HFM1: variants seen among roughly 807,000 people sequenced by gnomAD.
The protein encoded by HFM1 is helicase for meiosis 1, also known as probable ATP-dependent DNA helicase HFM1.
In HFM1, 169 loss-of-function variants were observed where a neutral mutation model predicts 192.1. That is an observed-to-expected ratio of 0.88 (90% confidence interval 0.78 to 1.00). The LOEUF (loss-of-function observed/expected upper bound fraction) is 1.00. Among genes scored for constraint, HFM1 ranks in the 50% least tolerant of loss-of-function variants. The pLI, the probability that HFM1 is intolerant of heterozygous loss-of-function variation, is 0.00. For missense variants in HFM1, 1,661 were observed against 1,668.0 expected, an observed-to-expected ratio of 1.00 and a Z score of 0.07; for synonymous variants, 525 against 537.8, an observed-to-expected ratio of 0.98 and a Z score of 0.33.
intron 30 of HFM1, among the ~76,000 whole-genome samples, chr1:91,297,883 C>T (rs1647927406): frequency 6.6e-6 from 1 of 152,182 alleles, no homozygotes; most frequent in Admixed American, 6.5e-5. Flanking sequence ...ATTCAGAGCG[C>T]CTCTCCTCCT....
chr1:91,380,219 CCTAT>C lies in HFM1; in HGVS notation c.887_890del (p.Asp296GlyfsTer4), dbSNP rs759676267. ...CAGTTGGAGCACAAATCACAAAATT[CCTAT>C]CTGTGTAAAGAAGCTAAAAAATAAA... On this transcript the variant is annotated frameshift_variant, in exon 8 of 39. Transcript: ENST00000370425. LOFTEE classifies it high-confidence loss of function. 3 of 1,575,368 alleles carry C rather than the reference CCTAT, an allele frequency of 1.9e-6. No homozygotes were observed. The highest frequency in any genetic ancestry group is 2.3e-5 in the South Asian group (2 of 86,316).
At chr1:91,379,253 A>T in intron 8 of HFM1, 39 bp from the exon 9 acceptor site, 1 of 1,523,568 alleles carries the variant, frequency 6.6e-7, no homozygotes, top group South Asian at 1.2e-5. Flanking sequence ...ACATCAGTTC[A>T]ATTTTAAAAT....
intron 30 of HFM1, among the ~76,000 whole-genome samples, chr1:91,278,361 G>A (rs1230374006): frequency 6.6e-6 from 1 of 152,020 alleles, no homozygotes; most frequent in Non-Finnish European, 1.5e-5. Flanking sequence ...TAGTAGCACG[G>A]GGAAGGAGAG....
intron 30 of HFM1, among the ~76,000 whole-genome samples, chr1:91,279,789 T>C (rs1034216901): frequency 3.9e-5 from 6 of 152,160 alleles, no homozygotes; most frequent in Non-Finnish European, 7.4e-5. Flanking sequence ...GATCACCTGA[T>C]CTGATTTCCC....
chr1:91,367,165 G>C (rs1353632710), intron 13 of HFM1, among the ~76,000 whole-genome samples: 1 of 152,194 alleles, frequency 6.6e-6, no homozygotes, highest in African/African-American at 2.4e-5. Flanking sequence ...TGCCTCTGTA[G>C]ACTCCACCTC....
intron 13 of HFM1, among the ~76,000 whole-genome samples, chr1:91,365,369 CA>C (rs555430332): frequency 1.5e-4 from 22 of 144,350 alleles, no homozygotes; most frequent in South Asian, 2.2e-4. Context: ...CTGCTCTTGT[CA>C]AAAAAAAAAC....
At chr1:91,285,103 G>A (rs1667825875) in intron 30 of HFM1, among the ~76,000 whole-genome samples, 1 of 152,104 alleles carries the variant, frequency 6.6e-6, no homozygotes, top group Admixed American at 6.5e-5. Flanking sequence ...TGTAAGACGT[G>A]CCTTTCACTT....
intron 1 of HFM1, among the ~76,000 whole-genome samples, chr1:91,403,466 A>AATC (rs1194262031): frequency 6.6e-6 from 1 of 152,158 alleles, no homozygotes; most frequent in Non-Finnish European, 1.5e-5. Flanking sequence ...TCATTATGTA[A>AATC]ATCTTTTTTT....
intron 30 of HFM1, among the ~76,000 whole-genome samples, chr1:91,287,845 C>T (rs948941485): frequency 7.9e-5 from 12 of 152,122 alleles, no homozygotes; most frequent in African/African-American, 2.2e-4. Context: ...AAAACCAAGG[C>T]TCGAGAACTA....
At chr1:91,372,791 T>C (rs1420842817) in intron 13 of HFM1, among the ~76,000 whole-genome samples, 1 of 152,102 alleles carries the variant, frequency 6.6e-6, no homozygotes, top group Non-Finnish European at 1.5e-5. Flanking sequence ...GTATGAAAAT[T>C]ATTAATCATT....
At chr1:91,346,690 T>A (rs1454231938) in intron 19 of HFM1, among the ~76,000 whole-genome samples, 1 of 152,164 alleles carries the variant, frequency 6.6e-6, no homozygotes, top group African/African-American at 2.4e-5. Context: ...TTTTATATTT[T>A]AAAAAACAAG....
rs77122878 is a variant in HFM1 at position 91,374,182 on chromosome 1, G to A, written c.1685+1176C>T. On this transcript the variant is annotated intron_variant, in intron 13 of 38. Transcript: ENST00000370425. ...CAGTTTGGTGTATTCACAGAACACAGAGGCTAATACAGCTTGACCGTGATG... is the reference window on the plus strand; with the variant it reads ...CAGTTTGGTGTATTCACAGAACACAAAGGCTAATACAGCTTGACCGTGATG... Among the ~76,000 whole-genome samples the A allele has an allele frequency of 2.6e-4, 39 of 152,276 alleles. No individual in the cohort carries two copies. In the East Asian group the frequency reaches 6.9e-3, roughly 27 times the overall value.
At chr1:91,302,173 CAT>C (rs1161646498) in intron 30 of HFM1, among the ~76,000 whole-genome samples, 2 of 151,424 alleles carry the variant, frequency 1.3e-5, no homozygotes, top group Admixed American at 6.6e-5. Context: ...CCAAAAGACA[CAT>C]GAGAAAATGC....
intron 20 of HFM1, among the ~76,000 whole-genome samples, chr1:91,333,716 T>C (rs1353920660): frequency 6.6e-6 from 1 of 152,206 alleles, no homozygotes; most frequent in Non-Finnish European, 1.5e-5. Context: ...AAATATCTCA[T>C]GAACTCTATA....
intron 13 of HFM1, among the ~76,000 whole-genome samples, chr1:91,354,387 AAGG>A (rs1657428898): frequency 6.6e-6 from 1 of 152,034 alleles, no homozygotes; most frequent in Non-Finnish European, 1.5e-5. Flanking sequence ...GAGGTTCCAG[AAGG>A]AGAAGAATGA....
At chr1:91,286,860 G>A (rs937282220) in intron 30 of HFM1, among the ~76,000 whole-genome samples, 6 of 152,206 alleles carry the variant, frequency 3.9e-5, no homozygotes, top group African/African-American at 1.4e-4. Context: ...AGCGCAAGGG[G>A]TCAGGGAGTT....
intron 20 of HFM1, among the ~76,000 whole-genome samples, chr1:91,326,527 A>G (rs1337459693): frequency 1.3e-5 from 2 of 152,208 alleles, no homozygotes; most frequent in Non-Finnish European, 2.9e-5. Context: ...AATATCCTTT[A>G]ACAATGAAGG....
chr1:91,293,759 T>C (rs1455055675), intron 30 of HFM1, among the ~76,000 whole-genome samples: 7 of 150,242 alleles, frequency 4.7e-5, no homozygotes, highest in African/African-American at 9.8e-5. Flanking sequence ...CGTATGTTTA[T>C]TGCGGCATTA....
At chr1:91,366,531 A>T (rs1021629180) in intron 13 of HFM1, among the ~76,000 whole-genome samples, 16 of 152,288 alleles carry the variant, frequency 1.1e-4, no homozygotes, top group South Asian at 2.1e-4. Flanking sequence ...TACACGTTTT[A>T]AAAAAATCCC....
Sources: allele counts gnomAD v4.1 joint callset (sites outside exome capture counted in the v4.1 genomes callset), GRCh38; gene constraint gnomAD v4.1.1; transcripts MANE v1.5; gene names NCBI Gene and HGNC (gene_info 2026-07-23, HGNC 2026-07-21).